Variants in GALNT14 observed in about 807,000 individuals in gnomAD.
GALNT14 encodes UDP-GalNAc:polypeptide N-acetylgalactosaminyltransferase 14.
GALNT14 carries 60 observed loss-of-function variants against 77.5 expected under a neutral mutation model. The ratio of observed to expected loss-of-function variants is 0.77; its 90% confidence interval spans 0.63 to 0.96. The LOEUF (loss-of-function observed/expected upper bound fraction) is 0.96, where lower values mean the gene tolerates loss of function less well. GALNT14 is among the 40% of genes least tolerant of loss of function. The pLI is 0.00. For missense variants in GALNT14, 710 were observed against 731.0 expected (o/e 0.97, Z 0.33); for synonymous variants, 280 against 281.7 (o/e 0.99, Z 0.06).
At chr2:31,118,994 T>G (rs1678251347) in intron 1 of GALNT14, among the ~76,000 whole-genome samples, 2 of 152,162 alleles carry the variant, frequency 1.3e-5, no homozygotes, top group Non-Finnish European at 2.9e-5. Context: ...TAATTAATGA[T>G]GTTGACACAA....
At chr2:30,995,541 T>C (rs891238647) in intron 1 of GALNT14, among the ~76,000 whole-genome samples, 3 of 152,208 alleles carry the variant, frequency 2.0e-5, no homozygotes, top group African/African-American at 7.2e-5. Flanking sequence ...TCACCCAGGC[T>C]GGAGTACAGT....
chr2:30,977,461 G>A (rs1363494825), intron 2 of GALNT14, among the ~76,000 whole-genome samples: 2 of 152,076 alleles, frequency 1.3e-5, no homozygotes, highest in African/African-American at 4.8e-5. Context: ...CATGGGTGTG[G>A]GTCATCCCTC....
At chr2:31,020,323 C>T (rs1011572763) in intron 1 of GALNT14, among the ~76,000 whole-genome samples, 9 of 152,168 alleles carry the variant, frequency 5.9e-5, no homozygotes, top group Admixed American at 1.3e-4. Flanking sequence ...AGAACTTTTC[C>T]ATTCAAAACA....
intron 1 of GALNT14, among the ~76,000 whole-genome samples, chr2:31,046,325 C>T (rs1673458045): frequency 6.6e-6 from 1 of 151,284 alleles, no homozygotes; most frequent in Non-Finnish European, 1.5e-5. Flanking sequence ...CTCCTGGGTT[C>T]AAGCGATTCT....
downstream of GALNT14, among the ~76,000 whole-genome samples, chr2:30,910,213 TA>T (rs892396017): frequency 3.9e-3 from 543 of 138,638 alleles, 3 homozygotes; most frequent in Non-Finnish European, 4.0e-3. Context: ...AGTATAATAA[TA>T]AAAAAAAAAA....
intron 1 of GALNT14, chr2:31,125,207 G>T: frequency 6.4e-7 from 1 of 1,550,594 alleles, no homozygotes; most frequent in Non-Finnish European, 8.7e-7. Flanking sequence ...AGGCACCTGA[G>T]GCGCCCAAGG....
chr2:30,926,528 T>C (rs144501987), intron 11 of GALNT14, among the ~76,000 whole-genome samples: 20 of 152,144 alleles, frequency 1.3e-4, no homozygotes, highest in African/African-American at 4.8e-4. Context: ...AGCTTAGAAA[T>C]AGAGATGCAA....
intron 1 of GALNT14, among the ~76,000 whole-genome samples, chr2:31,077,615 A>G (rs1273578109): frequency 1.3e-5 from 2 of 152,230 alleles, no homozygotes; most frequent in Non-Finnish European, 2.9e-5. Context: ...TTTAAATGAT[A>G]AACAGTTTTA....
Position 30,912,189 on chromosome 2 carries a change from T to C in GALNT14, c.1500+34A>G, listed in dbSNP as rs2364443. The C allele has an allele frequency of 0.011, 18,389 of 1,611,908 alleles. 1,526 individuals carry two copies. In the African/African-American group the frequency reaches 0.2, roughly 17 times the overall value. ...CTCAACAGGCAGTCACATTACGGAGTTGGCCACATCCCAGGGACCTGCTGA... is the reference window on the plus strand; with the variant it reads ...CTCAACAGGCAGTCACATTACGGAGCTGGCCACATCCCAGGGACCTGCTGA... On this transcript the variant is annotated intron_variant, in intron 14 of 14. Coordinates refer to ENST00000349752, the MANE Select transcript of GALNT14 (RefSeq NM_024572.4).
At chr2:30,939,928 C>T (rs762212181) in intron 9 of GALNT14, among the ~76,000 whole-genome samples, 4 of 151,742 alleles carry the variant, frequency 2.6e-5, no homozygotes, top group Admixed American at 6.6e-5. Flanking sequence ...TATCCCCACC[C>T]GCAGATGTGA....
intron 1 of GALNT14, among the ~76,000 whole-genome samples, chr2:31,004,081 G>A (rs10166839): frequency 0.016 from 2,496 of 152,290 alleles, 49 homozygotes; most frequent in African/African-American, 0.042. Context: ...CCCAATTGCC[G>A]GTGGACATGA....
At chr2:31,092,169 T>C (rs190165091) in intron 1 of GALNT14, among the ~76,000 whole-genome samples, 33 of 152,240 alleles carry the variant, frequency 2.2e-4, no homozygotes, top group Non-Finnish European at 4.0e-4. Context: ...TTTTGAGACT[T>C]AGACTGGCTT....
intron 1 of GALNT14, among the ~76,000 whole-genome samples, chr2:31,074,877 G>A (rs1486763735): frequency 2.0e-5 from 3 of 152,066 alleles, no homozygotes; most frequent in African/African-American, 7.2e-5. Flanking sequence ...AGGAAAACTG[G>A]GGCCATGCTG....
intron 1 of GALNT14, among the ~76,000 whole-genome samples, chr2:31,119,482 C>T (rs1678277850): frequency 6.6e-6 from 1 of 152,134 alleles, no homozygotes; most frequent in South Asian, 2.1e-4. Context: ...CTCTGGTAAT[C>T]AGAGGAATAT....
intron 1 of GALNT14, among the ~76,000 whole-genome samples, chr2:31,096,944 G>T (rs911787305): frequency 1.3e-5 from 2 of 152,140 alleles, no homozygotes; most frequent in East Asian, 3.9e-4. Context: ...CTCTAATCGC[G>T]TCCCATTAAA....
At chr2:31,021,744 C>G (rs1215649645) in intron 1 of GALNT14, among the ~76,000 whole-genome samples, 2 of 152,186 alleles carry the variant, frequency 1.3e-5, no homozygotes, top group Non-Finnish European at 2.9e-5. Flanking sequence ...CCACAAAGCC[C>G]ATAGTATTTA....
the GALNT14 span, among the ~76,000 whole-genome samples, chr2:30,892,032 C>A: frequency 0.011 from 1,662 of 152,250 alleles, 39 homozygotes; most frequent in African/African-American, 0.038. Context: ...CTATTGCGAT[C>A]CCACCAATGA....
chr2:30,980,053 C>A lies in GALNT14; in HGVS notation c.299+12785G>T, dbSNP rs146335879. On this transcript the variant is annotated intron_variant, in intron 2 of 14. Coordinates refer to ENST00000349752, the MANE Select transcript of GALNT14 (RefSeq NM_024572.4). ...TTTTAAAGTAAGTCTGACATTCAGG[C>A]AAATGGAATGTTCAGAGCCAGGAGC... is the stretch of plus-strand genomic sequence containing the variant. Among the ~76,000 whole-genome samples the A allele has an allele frequency of 6.5e-3, 988 of 152,318 alleles. 6 individuals carry two copies. Among genetic ancestry groups the A allele is most frequent in the African/African-American group, 0.023 (945 of 41,562 alleles).
intron 2 of GALNT14, among the ~76,000 whole-genome samples, chr2:30,978,248 T>C (rs967136504): frequency 6.6e-6 from 1 of 152,242 alleles, no homozygotes; most frequent in African/African-American, 2.4e-5. Flanking sequence ...GTCACTGTTG[T>C]GCAGTTTCGC....
Sources: allele counts gnomAD v4.1 joint callset (sites outside exome capture counted in the v4.1 genomes callset), GRCh38; gene constraint gnomAD v4.1.1; transcripts MANE v1.5; gene names NCBI Gene and HGNC (gene_info 2026-07-23, HGNC 2026-07-21).